Variants in VPS13B observed in about 807,000 individuals in gnomAD.
The protein encoded by VPS13B is vacuolar protein sorting 13 homolog B, also known as intermembrane lipid transfer protein VPS13B.
Under a neutral mutation model 426.4 loss-of-function variants are expected in VPS13B, and 285 were observed. The ratio of observed to expected loss-of-function variants is 0.67; its 90% CI spans 0.61 to 0.74. VPS13B has a LOEUF of 0.74. Among genes scored for constraint, VPS13B ranks in the 30% least tolerant of loss-of-function variants. The probability of loss-of-function intolerance (pLI) is 0.00; values close to 1 mark genes in which losing one functional copy is unlikely to be tolerated. For synonymous variants in VPS13B, 1,676 were observed against 1,676.4 expected (o/e 1.00, Z 0.01); for missense variants, 4,537 against 4,782.6 (o/e 0.95, Z 1.51).
intron 12 of VPS13B, among the ~76,000 whole-genome samples, chr8:99,140,560 TCCTCCTTTC>T (rs1029654608): frequency 2.0e-5 from 3 of 149,666 alleles, no homozygotes; most frequent in African/African-American, 7.3e-5. Flanking sequence ...CTCCTCCTTC[TCCTCCTTTC>T]TTCTTGCTGC....
chr8:99,431,650 C>T lies in VPS13B; in HGVS notation c.3196C>T (p.His1066Tyr). ...TGGAATTGTTTGGAATGCAGTGAAGCATCTCACACTACAGGTAAAATAAAA... is the reference window on the plus strand; with the variant it reads ...TGGAATTGTTTGGAATGCAGTGAAGTATCTCACACTACAGGTAAAATAAAA... ...FIGIVWNAVK[H>Y]LTLQLEVQSC... Residue 1066 changes from histidine to tyrosine, a missense_variant, in exon 22 of 62, where the codon CAT becomes TAT. His to Tyr is a moderately conservative substitution (Grantham distance 83). Transcript: ENST00000357162. 2 of 1,613,080 alleles carry T rather than the reference C, an allele frequency of 1.2e-6. No individual in the cohort carries two copies. The highest frequency in any genetic ancestry group is 1.7e-6 in the Non-Finnish European group (2 of 1,179,540).
At chr8:99,640,019 T>TAAGAAGAAGAAGAAG (rs1172250597) in intron 33 of VPS13B, among the ~76,000 whole-genome samples, 3 of 78,306 alleles carry the variant, frequency 3.8e-5, no homozygotes, top group African/African-American at 1.3e-4. Flanking sequence ...ATAATAATAA[T>TAAGAAGAAGAAGAAG]AATAATAAGA....
chr8:99,796,800 G>C (rs1812848120), intron 43 of VPS13B: 1 of 152,206 alleles, frequency 6.6e-6, no homozygotes, highest in Admixed American at 6.5e-5. Flanking sequence ...CTGTTTGCCA[G>C]GTGTCTTGGT....
intron 39 of VPS13B, among the ~76,000 whole-genome samples, chr8:99,741,085 T>C (rs1039159110): frequency 8.5e-5 from 13 of 152,298 alleles, no homozygotes; most frequent in Admixed American, 5.2e-4. Context: ...GCCCATCTCA[T>C]GTGCAGAGAC....
chr8:99,455,187 G>A (rs186453349), intron 23 of VPS13B, among the ~76,000 whole-genome samples: 1 of 152,196 alleles, frequency 6.6e-6, no homozygotes, highest in African/African-American at 2.4e-5. Context: ...AAAAGTCAGG[G>A]TTATCTAGAT....
chr8:99,559,014 A>G (rs1824746227), intron 31 of VPS13B, among the ~76,000 whole-genome samples: 1 of 152,168 alleles, frequency 6.6e-6, no homozygotes, highest in Non-Finnish European at 1.5e-5. Context: ...GAACTAATTT[A>G]CAGTCCCACC....
At chr8:99,687,823 C>G (rs569249849) in intron 35 of VPS13B, among the ~76,000 whole-genome samples, 10 of 151,882 alleles carry the variant, frequency 6.6e-5, no homozygotes, top group African/African-American at 2.4e-4. Context: ...ACTTTTGGTT[C>G]TTGTTAAGTT....
chr8:99,512,092 G>T (rs1821820804), intron 29 of VPS13B, among the ~76,000 whole-genome samples: 1 of 152,176 alleles, frequency 6.6e-6, no homozygotes, highest in South Asian at 2.1e-4. Context: ...TACCAAGCTA[G>T]AACTAAATTC....
intron 54 of VPS13B, among the ~76,000 whole-genome samples, chr8:99,838,068 G>A (rs1314864728): frequency 6.6e-6 from 1 of 152,196 alleles, no homozygotes; most frequent in Non-Finnish European, 1.5e-5. Flanking sequence ...CTCTCACAGA[G>A]TATTCTTTGG....
At chr8:99,424,483 C>T (rs1236506606) in intron 21 of VPS13B, 2 of 152,120 alleles carry the variant, frequency 1.3e-5, no homozygotes, top group Non-Finnish European at 2.9e-5. Context: ...GAAATGAAGG[C>T]AGAAATAAAG....
rs758566685 is a variant in VPS13B at position 99,147,989 on chromosome 8, A to T, written c.1992A>T (p.Leu664=). The T allele has an allele frequency of 6.2e-7, 1 of 1,612,538 alleles. No homozygotes were observed. The highest frequency in any genetic ancestry group is 2.2e-5 in the East Asian group (1 of 44,810). ...AATTCAACTTGCTGGACCATTTACT[A>T]CCTGTCATTATGGGAGAAAAGGTAT... ...MAEFNLLDHL[L]PVIMGEKNSS... Residue 664 remains leucine (L), a synonymous_variant, in exon 14 of 62, where the codon CTA becomes CTT. Transcript: ENST00000357162.
intron 31 of VPS13B, among the ~76,000 whole-genome samples, chr8:99,569,027 T>G (rs1351835039): frequency 6.6e-6 from 1 of 151,738 alleles, no homozygotes; most frequent in Non-Finnish European, 1.5e-5. Context: ...TCTCACCATG[T>G]TAGCCAGGAT....
intron 13 of VPS13B, among the ~76,000 whole-genome samples, chr8:99,147,397 A>G (rs530253217): frequency 3.1e-4 from 47 of 152,174 alleles, no homozygotes; most frequent in African/African-American, 1.1e-3. Context: ...CAGGTGTGAG[A>G]CTATTTCTTA....
At chr8:99,307,420 T>G (rs769764465) in intron 19 of VPS13B, among the ~76,000 whole-genome samples, 5 of 152,064 alleles carry the variant, frequency 3.3e-5, no homozygotes, top group African/African-American at 4.8e-5. Flanking sequence ...TATTTTAAAG[T>G]CTTCTATTTT....
At chr8:99,117,317 G>C (rs112781271) in intron 7 of VPS13B, among the ~76,000 whole-genome samples, 25 of 152,262 alleles carry the variant, frequency 1.6e-4, no homozygotes, top group Non-Finnish European at 3.5e-4. Context: ...AGGATGTGGA[G>C]AAACTGGAAC....
At chr8:99,673,832 A>T (rs1467635591) in intron 35 of VPS13B, among the ~76,000 whole-genome samples, 1 of 152,096 alleles carries the variant, frequency 6.6e-6, no homozygotes, top group Admixed American at 6.5e-5. Flanking sequence ...AGAAATTTTT[A>T]AATTTTTCTT....
intron 2 of VPS13B, among the ~76,000 whole-genome samples, chr8:99,022,737 A>G (rs1841958528): frequency 6.6e-6 from 1 of 151,892 alleles, no homozygotes; most frequent in Non-Finnish European, 1.5e-5. Context: ...GAATTTGTGT[A>G]TTTCTCATTT....
intron 33 of VPS13B, among the ~76,000 whole-genome samples, chr8:99,633,838 T>TGTGTGTGC (rs758390407): frequency 4.6e-5 from 7 of 151,252 alleles, no homozygotes; most frequent in South Asian, 2.1e-4. Context: ...TGTGTGTGTG[T>TGTGTGTGC]GCGTGTTTTA....
intron 17 of VPS13B, among the ~76,000 whole-genome samples, chr8:99,229,713 AT>A (rs1674505102): frequency 6.6e-6 from 1 of 152,198 alleles, no homozygotes; most frequent in South Asian, 2.1e-4. Flanking sequence ...GAATTCTGAG[AT>A]TAAAAAAAGA....
Sources: gnomAD v4.1 joint callset for allele counts (sites outside exome capture counted in the v4.1 genomes callset) on GRCh38, gnomAD v4.1.1 for gene constraint, MANE v1.5 for transcripts, NCBI Gene and HGNC (gene_info 2026-07-23, HGNC 2026-07-21) for gene names.